Variants in NALF1 observed in about 807,000 individuals in gnomAD.
NALF1 encodes family with sequence similarity 155 member A.
A neutral mutation model predicts 48.4 loss-of-function variants in NALF1; 3 were observed. The ratio of observed to expected loss-of-function variants is 0.06; its 90% CI spans 0.03 to 0.16. The LOEUF (loss-of-function observed/expected upper bound fraction) is 0.16, where lower values mean the gene tolerates loss of function less well. NALF1 is among the 10% of genes least tolerant of loss of function. The pLI is 1.00. For synonymous variants in NALF1, 262 were observed against 245.7 expected (o/e 1.07, Z -0.62); for missense variants, 526 against 571.5 (o/e 0.92, Z 0.81).
chr13:107,200,550 T>C (rs72664795), intron 2 of NALF1, among the ~76,000 whole-genome samples: 1 of 152,200 alleles, frequency 6.6e-6, no homozygotes, highest in Admixed American at 6.5e-5. Flanking sequence ...TAGACATTTA[T>C]TTTACAGTAA....
intron 2 of NALF1, among the ~76,000 whole-genome samples, chr13:107,202,981 A>T (rs1333995630): frequency 1.3e-5 from 2 of 152,184 alleles, no homozygotes; most frequent in Non-Finnish European, 2.9e-5. Flanking sequence ...GACTTCAGTA[A>T]TTTTGGTTTG....
chr13:107,611,927 G>A (rs939612991), intron 1 of NALF1, among the ~76,000 whole-genome samples: 1 of 146,866 alleles, frequency 6.8e-6, no homozygotes, highest in African/African-American at 2.5e-5. Flanking sequence ...TGTCTCAGAA[G>A]AAAGAAAGGA....
intron 2 of NALF1, among the ~76,000 whole-genome samples, chr13:107,181,464 G>A (rs575484300): frequency 3.3e-5 from 5 of 151,460 alleles, no homozygotes; most frequent in African/African-American, 1.2e-4. Context: ...TAAATTACTT[G>A]AGTGCTTTTT....
chr13:107,170,696 A>G lies in NALF1; in HGVS notation c.1178T>C (p.Val393Ala), dbSNP rs145827476. ...CCTGTGACAGGAGCCACTTTTCTCT[A>G]CGGTCCCTTTGGATGGGTTATTTGA... ...EKSNNPSKGT[V>A]EKSGSCHRTS... Residue 393 changes from valine to alanine, a missense_variant, in exon 3 of 3, where the codon GTA becomes GCA. Coordinates refer to ENST00000375915, the MANE Select transcript of NALF1 (RefSeq NM_001080396.3). 1.7e-4 allele frequency: 279 copies of G among 1,614,172 alleles called. 1 individual carries two copies. The Middle Eastern group carries it at 5.1e-3, about 30-fold the overall frequency.
intron 1 of NALF1, among the ~76,000 whole-genome samples, chr13:107,501,018 G>T (rs917161974): frequency 1.3e-4 from 20 of 151,786 alleles, no homozygotes; most frequent in Non-Finnish European, 2.6e-4. Context: ...TGAGGTAATG[G>T]GTGCAGCACA....
chr13:107,527,098 A>G (rs908943607), intron 1 of NALF1, among the ~76,000 whole-genome samples: 1 of 152,160 alleles, frequency 6.6e-6, no homozygotes, highest in Non-Finnish European at 1.5e-5. Context: ...TGAAATTTCA[A>G]ACACAGTTTT....
intron 1 of NALF1, among the ~76,000 whole-genome samples, chr13:107,443,395 T>G (rs574777201): frequency 6.6e-6 from 1 of 152,210 alleles, no homozygotes; most frequent in East Asian, 1.9e-4. Context: ...TTTTGTATTT[T>G]TAGTAGAGGC....
chr13:107,617,220 G>T (rs1468655446), intron 1 of NALF1, among the ~76,000 whole-genome samples: 1 of 152,100 alleles, frequency 6.6e-6, no homozygotes, highest in Non-Finnish European at 1.5e-5. Context: ...TACAAACCTG[G>T]TATCCATCCT....
At chr13:107,246,383 A>T (rs1005726590) in intron 1 of NALF1, among the ~76,000 whole-genome samples, 2 of 150,442 alleles carry the variant, frequency 1.3e-5, no homozygotes, top group African/African-American at 2.4e-5. Context: ...AAACAGATAG[A>T]CTTAGACTCC....
intron 1 of NALF1, among the ~76,000 whole-genome samples, chr13:107,279,448 G>T (rs1881346013): frequency 6.6e-6 from 1 of 152,098 alleles, no homozygotes; most frequent in African/African-American, 2.4e-5. Flanking sequence ...TAGAGACAGG[G>T]TTTCATCATA....
intron 1 of NALF1, among the ~76,000 whole-genome samples, chr13:107,832,228 ATGT>A (rs1879754523): frequency 6.6e-6 from 1 of 151,828 alleles, no homozygotes; most frequent in African/African-American, 2.4e-5. Context: ...GATAATTAAC[ATGT>A]TATCATTAAT....
intron 1 of NALF1, among the ~76,000 whole-genome samples, chr13:107,354,769 G>A (rs911002292): frequency 2.0e-5 from 3 of 152,126 alleles, no homozygotes; most frequent in African/African-American, 7.2e-5. Flanking sequence ...TGGTTCCTCA[G>A]TAAAGTCCCT....
At chr13:107,469,553 A>C (rs1334539806) in intron 1 of NALF1, among the ~76,000 whole-genome samples, 2 of 152,126 alleles carry the variant, frequency 1.3e-5, no homozygotes, top group Non-Finnish European at 2.9e-5. Flanking sequence ...ATCTAGGCAC[A>C]TCCTCCTGTA....
At chr13:107,493,289 A>G (rs182707812) in intron 1 of NALF1, among the ~76,000 whole-genome samples, 1 of 152,210 alleles carries the variant, frequency 6.6e-6, no homozygotes, top group East Asian at 1.9e-4. Flanking sequence ...TAACTCCAGA[A>G]AAAAAAATAA....
intron 1 of NALF1, among the ~76,000 whole-genome samples, chr13:107,365,579 G>A (rs557058537): frequency 1.3e-5 from 2 of 152,222 alleles, no homozygotes; most frequent in Admixed American, 6.5e-5. Flanking sequence ...TGTTTTGATG[G>A]TCCTTATCAA....
rs1320356924 is a variant in NALF1 at position 107,759,730 on chromosome 13, G to C, written c.915+105952C>G. On this transcript the variant is annotated intron_variant, in intron 1 of 2. Transcript: ENST00000375915. ...TGTCTCTGTCCATCCTCTCTGTTTG[G>C]AGCCTCAATTAGCTATCTTCAAATG... Among the ~76,000 whole-genome samples the C allele has an allele frequency of 4.6e-5, 7 of 151,520 alleles. No individual in the cohort carries two copies. In the South Asian group the frequency reaches 1.5e-3, roughly 32 times the overall value.
intron 1 of NALF1, among the ~76,000 whole-genome samples, chr13:107,759,301 C>T (rs1399633086): frequency 1.3e-5 from 2 of 152,110 alleles, no homozygotes; most frequent in East Asian, 1.9e-4. Context: ...CTCTGCCTCC[C>T]GGGTTCAAGC....
At chr13:107,205,065 T>C (rs2138798632) in intron 2 of NALF1, among the ~76,000 whole-genome samples, 1 of 152,178 alleles carries the variant, frequency 6.6e-6, no homozygotes, top group South Asian at 2.1e-4. Context: ...GCAGGTTAGT[T>C]ACATATGTAT....
chr13:107,347,875 C>T (rs1450067993), intron 1 of NALF1, among the ~76,000 whole-genome samples: 2 of 152,116 alleles, frequency 1.3e-5, no homozygotes, highest in Non-Finnish European at 2.9e-5. Context: ...TTTTAAGATG[C>T]GTGGGTATCA....
Sources: allele counts gnomAD v4.1 joint callset (sites outside exome capture counted in the v4.1 genomes callset), GRCh38; gene constraint gnomAD v4.1.1; transcripts MANE v1.5; gene names NCBI Gene and HGNC (gene_info 2026-07-23, HGNC 2026-07-21).